Variants in RPTOR observed in about 807,000 individuals in gnomAD.
The protein encoded by RPTOR is regulatory associated protein of MTOR complex 1.
A neutral mutation model predicts 169.9 loss-of-function variants in RPTOR; 21 were observed. The ratio of observed to expected loss-of-function variants is 0.12; its 90% CI spans 0.09 to 0.18. The LOEUF (loss-of-function observed/expected upper bound fraction) is 0.18, where lower values mean the gene tolerates loss of function less well. Ranked by LOEUF, RPTOR falls within the 10% of genes least tolerant of loss-of-function variation. RPTOR has a pLI of 1.00. For missense variants in RPTOR, 1,133 were observed against 1,855.9 expected, an observed-to-expected ratio of 0.61 and a Z score of 7.16; for synonymous variants, 732 against 753.2, an observed-to-expected ratio of 0.97 and a Z score of 0.46.
In RPTOR at chr17:80,964,315, G is replaced by A. The variant is rs2144110373; in HGVS notation, c.3993G>A (p.Glu1331=). The change falls in exon 34 of 34, where the codon GAG becomes GAA. Residue 1331 remains glutamate (E), a synonymous_variant. Transcript: ENST00000306801. ...NDYYISVYSV[E]KRVR ...ACTACATCTCCGTGTACTCGGTGGA[G>A]AAGCGTGTCAGATAGCGGCGTGACC... is the stretch of plus-strand genomic sequence containing the variant. 6.2e-7 allele frequency: 1 copy of A among 1,608,316 alleles called. No homozygotes were observed. The highest frequency in any genetic ancestry group is 8.5e-7 in the Non-Finnish European group (1 of 1,179,856).
intron 9 of RPTOR, among the ~76,000 whole-genome samples, chr17:80,831,401 GC>G (rs2067502049): frequency 1.3e-5 from 2 of 152,260 alleles, no homozygotes; most frequent in African/African-American, 4.8e-5. Context: ...TCTGTCCTAG[GC>G]GTGTTAACAT....
At chr17:80,775,838 A>G (rs948856559) in intron 6 of RPTOR, among the ~76,000 whole-genome samples, 1 of 152,242 alleles carries the variant, frequency 6.6e-6, no homozygotes, top group African/African-American at 2.4e-5. Flanking sequence ...ACATTTGTCC[A>G]TATATGCACA....
intron 4 of RPTOR, among the ~76,000 whole-genome samples, chr17:80,723,475 T>C (rs1333356740): frequency 6.6e-6 from 1 of 151,400 alleles, no homozygotes; most frequent in African/African-American, 2.5e-5. Flanking sequence ...ATTTTACTTC[T>C]TGGGTTATAA....
At chr17:80,700,783 G>A (rs1598236493) in intron 3 of RPTOR, among the ~76,000 whole-genome samples, 1 of 120,432 alleles carries the variant, frequency 8.3e-6, no homozygotes, top group African/African-American at 3.2e-5. Flanking sequence ...TAGAGATGAT[G>A]ATGGTGGTGG....
At chr17:80,961,149 C>CCTGA (rs2144099819) in intron 30 of RPTOR, 2 of 495,298 alleles carry the variant, frequency 4.0e-6, no homozygotes, top group East Asian at 6.2e-5. Flanking sequence ...CCTCCAGCGG[C>CCTGA]CTGACGGTGA....
intron 28 of RPTOR, among the ~76,000 whole-genome samples, chr17:80,950,784 A>C (rs1185676672): frequency 2.6e-5 from 4 of 152,138 alleles, no homozygotes; most frequent in Non-Finnish European, 4.4e-5. Context: ...TCTCTCCAAA[A>C]GACCAATTTT....
rs778224744 is a variant in RPTOR, at chr17:80,892,762, C to T, written c.2135C>T (p.Pro712Leu). 2.2e-5 allele frequency: 35 copies of T among 1,613,982 alleles called. No individual in the cohort carries two copies. Among genetic ancestry groups the T allele is most frequent in the Middle Eastern group, 1.6e-4 (1 of 6,082 alleles). ...AGTTTGACCCCAGTGCGAGACAGCCCGTGCACCCCCAGACTTCGTTCTGTG... is the reference window on the plus strand; with the variant it reads ...AGTTTGACCCCAGTGCGAGACAGCCTGTGCACCCCCAGACTTCGTTCTGTG... Reference protein sequence around the residue: ...GGSLTPVRDSPCTPRLRSVSS... With the variant: ...GGSLTPVRDSLCTPRLRSVSS... Residue 712 changes from proline to leucine, a missense_variant, in exon 19 of 34, where the codon CCG becomes CTG. This residue lies in a region of RPTOR where 150 missense variants were observed against 206.4 expected (regional missense o/e 0.73). Coordinates refer to ENST00000306801, the MANE Select transcript of RPTOR (RefSeq NM_020761.3).
At chr17:80,571,926 G>A (rs1433883705) in intron 1 of RPTOR, among the ~76,000 whole-genome samples, 2 of 152,240 alleles carry the variant, frequency 1.3e-5, no homozygotes, top group Non-Finnish European at 2.9e-5. Context: ...AGAATCAGGT[G>A]GTTGAGAAAA....
At chr17:80,787,037 A>G (rs1271445033) in intron 6 of RPTOR, among the ~76,000 whole-genome samples, 1 of 151,920 alleles carries the variant, frequency 6.6e-6, no homozygotes, top group Non-Finnish European at 1.5e-5. Context: ...TGCGCCCACC[A>G]CGCAGGGCGC....
In RPTOR at chr17:80,959,961, C is replaced by A; in HGVS notation, c.3478-117C>A. On this transcript the variant is annotated intron_variant, in intron 29 of 33. Coordinates refer to ENST00000306801, the MANE Select transcript of RPTOR (RefSeq NM_020761.3). This position sits in a 1 kb window ranked among gnomAD's most constrained non-coding sequence, Gnocchi z 6.7. Reference sequence around the variant, plus strand: ...GGATAGAGAGAAAGGCCCCTGCAGCCAGGGAGGGTGATCCCCACAGCCAGG... The same window carrying A: ...GGATAGAGAGAAAGGCCCCTGCAGCAAGGGAGGGTGATCCCCACAGCCAGG... The A allele has an allele frequency of 7.6e-7, 1 of 1,307,886 alleles. No homozygotes were observed. Among genetic ancestry groups the A allele is most frequent in the Non-Finnish European group, 1.1e-6 (1 of 934,504 alleles). 81.0% of individuals were successfully genotyped at this position (1,307,886 alleles called of 1,614,324 possible). A position where few individuals can be genotyped will look rare whatever the true frequency, so the allele number is the denominator to read the frequency against.
At chr17:80,611,900 T>C (rs1329501030) in intron 1 of RPTOR, among the ~76,000 whole-genome samples, 1 of 152,176 alleles carries the variant, frequency 6.6e-6, no homozygotes, top group Non-Finnish European at 1.5e-5. Flanking sequence ...AATGTCCCAC[T>C]TAGGTTTTGC....
intron 24 of RPTOR, among the ~76,000 whole-genome samples, chr17:80,930,427 A>ACCC (rs2068878655): frequency 6.4e-3 from 3 of 472 alleles, no homozygotes; most frequent in African/African-American, 0.018. Context: ...TCCTCAGCTC[A>ACCC]TCCTCATCCC....
chr17:80,927,089 A>G (rs2068819790), intron 24 of RPTOR, among the ~76,000 whole-genome samples: 1 of 152,242 alleles, frequency 6.6e-6, no homozygotes, highest in Admixed American at 6.5e-5. Flanking sequence ...AAAGGAAAGC[A>G]TACACAAATC....
At chr17:80,648,960 C>T (rs528852212) in intron 3 of RPTOR, among the ~76,000 whole-genome samples, 7 of 152,198 alleles carry the variant, frequency 4.6e-5, no homozygotes, top group African/African-American at 7.2e-5. Context: ...CCTTACCTTC[C>T]GCCATGATTG....
At chr17:80,719,006 G>C (rs2066262395) in intron 4 of RPTOR, among the ~76,000 whole-genome samples, 1 of 152,192 alleles carries the variant, frequency 6.6e-6, no homozygotes, top group Admixed American at 6.5e-5. Context: ...TTGAGTTAGA[G>C]GGAGCAGGTG....
intron 1 of RPTOR, 24 bp from the exon 2 acceptor site, chr17:80,625,667 T>C (rs1241024009): frequency 6.7e-7 from 1 of 1,496,914 alleles, no homozygotes; most frequent in Non-Finnish European, 9.3e-7. Flanking sequence ...AATATTTATT[T>C]ATTTTTTTCT....
At chr17:80,788,883 C>T (rs1454444715) in intron 6 of RPTOR, among the ~76,000 whole-genome samples, 2 of 152,180 alleles carry the variant, frequency 1.3e-5, no homozygotes, top group Non-Finnish European at 2.9e-5. Flanking sequence ...CATTGCTCAG[C>T]AACACTCTGA....
chr17:80,892,566 G>A (rs544831704), intron 18 of RPTOR, among the ~76,000 whole-genome samples, 163 bp from the exon 19 acceptor site: 5 of 152,342 alleles, frequency 3.3e-5, no homozygotes, highest in East Asian at 1.9e-4. Flanking sequence ...CAGAGCCTCC[G>A]CTCACGTCTG....
chr17:80,734,808 G>A (rs1488227956), intron 5 of RPTOR, among the ~76,000 whole-genome samples: 2 of 151,984 alleles, frequency 1.3e-5, no homozygotes, highest in African/African-American at 2.4e-5. Context: ...CAAGACATTC[G>A]GGGAAAAAAA....
Sources: allele counts gnomAD v4.1 joint callset (sites outside exome capture counted in the v4.1 genomes callset), GRCh38; gene constraint gnomAD v4.1.1; regional missense constraint gnomAD v4.1.1; non-coding constraint Gnocchi (gnomAD v3.1); transcripts MANE v1.5; gene names NCBI Gene and HGNC (gene_info 2026-07-23, HGNC 2026-07-21).